Variants in SYT17 observed in about 807,000 individuals in gnomAD.
SYT17 encodes the protein synaptotagmin 17, also known as synaptotagmin-17.
In SYT17, 22 loss-of-function variants were observed where a neutral mutation model predicts 46.7. That is an observed-to-expected ratio of 0.47 (90% CI 0.34 to 0.67). SYT17 has a LOEUF of 0.67. Among genes scored for constraint, SYT17 ranks in the 30% least tolerant of loss-of-function variants. The pLI, the probability that SYT17 is intolerant of heterozygous loss-of-function variation, is 0.01. For synonymous variants in SYT17, 251 were observed against 248.4 expected, an observed-to-expected ratio of 1.01 and a Z score of -0.10; for missense variants, 519 against 612.8, an observed-to-expected ratio of 0.85 and a Z score of 1.62.
intron 7 of SYT17, among the ~76,000 whole-genome samples, chr16:19,259,310 C>A (rs552383147): frequency 1.3e-5 from 2 of 152,286 alleles, no homozygotes; most frequent in African/African-American, 4.8e-5. Context: ...TTAAACAAGG[C>A]TTAACATTTT....
At position 19,252,450 on chromosome 16, in the gene SYT17, C is replaced by T. The variant is rs372234854; in HGVS notation, c.1229-14430C>T. Among the ~76,000 whole-genome samples, 7 of 23,114 alleles carry T rather than the reference C, an allele frequency of 3.0e-4. 2 individuals are homozygous for T. The Admixed American group carries it at 3.1e-3, about 10-fold the overall frequency. The allele number at this position is 23,114 out of a possible 152,430, so 15.2% of individuals were successfully genotyped here. On this transcript the variant is annotated intron_variant, in intron 7 of 7. Coordinates refer to ENST00000355377, the MANE Select transcript of SYT17 (RefSeq NM_016524.4). ...ATACATATATATACATATATATACA[C>T]ATATATACATATATATATACATATA...
rs763978757 is a variant in SYT17, at chr16:19,180,468, A to G, written c.260A>G (p.Asn87Ser). 11 of 1,614,052 alleles carry G rather than the reference A, an allele frequency of 6.8e-6. No homozygotes were observed. The highest frequency in any genetic ancestry group is 2.2e-5 in the East Asian group (1 of 44,892). ...ASEVPLTPRT[N>S]SPDGRRSSSD... Reference sequence around the variant, plus strand: ...GAAGTCCCGCTGACCCCACGGACCAATTCCCCGGATGGAAGACGCTCGTCC... The same window carrying G: ...GAAGTCCCGCTGACCCCACGGACCAGTTCCCCGGATGGAAGACGCTCGTCC... Residue 87 changes from asparagine (N) to serine (S), a missense_variant, in exon 4 of 8, where the codon AAT (asparagine) becomes AGT (serine). Asn to Ser is a conservative substitution (Grantham distance 46, BLOSUM62 1). Coordinates refer to ENST00000355377, the MANE Select transcript of SYT17 (RefSeq NM_016524.4).
At chr16:19,211,070 C>T (rs965099142) in intron 5 of SYT17, 16 of 194,700 alleles carry the variant, frequency 8.2e-5, no homozygotes, top group Admixed American at 4.2e-4. Flanking sequence ...TTGCCCAAGC[C>T]GGCTGCTGGA....
At chr16:19,189,649 C>T (rs1407541936) in intron 5 of SYT17, among the ~76,000 whole-genome samples, 1 of 152,208 alleles carries the variant, frequency 6.6e-6, no homozygotes, top group Non-Finnish European at 1.5e-5. Context: ...AATAGCTGCC[C>T]TGATTGCTGA....
At position 19,168,971 on chromosome 16, in the gene SYT17, C is replaced by T. The variant is rs1963975153; in HGVS notation, c.15+310C>T. Among the ~76,000 whole-genome samples, 1 of 151,554 alleles carries T rather than the reference C, an allele frequency of 6.6e-6. No homozygotes were observed. The highest frequency in any genetic ancestry group is 6.6e-5 in the Admixed American group (1 of 15,248). Reference sequence around the variant, plus strand: ...CCTGCCCCCTCCCTCTCCTTGGCACCCCACCCCAGGGGAGGGGCCGTGGGG... The same window carrying T: ...CCTGCCCCCTCCCTCTCCTTGGCACTCCACCCCAGGGGAGGGGCCGTGGGG... On this transcript the variant is annotated intron_variant, in intron 1 of 7. Coordinates refer to ENST00000355377, the MANE Select transcript of SYT17 (RefSeq NM_016524.4). This position sits in a 1 kb window ranked among gnomAD's most constrained non-coding sequence, Gnocchi z 6.9.
chr16:19,183,525 C>T lies in SYT17; in HGVS notation c.332-3C>T, dbSNP rs1427406474. ...CTTCATTGTTATTTCTGGTGGCTCT[C>T]AGGTCTTGAGTCAAGACGTCCCAGC... On this transcript the variant is annotated splice_region_variant and splice_polypyrimidine_tract_variant and intron_variant, in intron 4 of 7. Transcript: ENST00000355377. The surrounding 1 kb of genome is among the most constrained non-coding windows in gnomAD (Gnocchi z 5.6). 1 of 1,613,126 alleles carries T rather than the reference C, an allele frequency of 6.2e-7. No individual in the cohort carries two copies. The highest frequency in any genetic ancestry group is 1.1e-5 in the South Asian group (1 of 91,062).
At chr16:19,184,660 CAT>C (rs996299772) in intron 5 of SYT17, among the ~76,000 whole-genome samples, 109 of 152,072 alleles carry the variant, frequency 7.2e-4, no homozygotes, top group African/African-American at 2.1e-3. Flanking sequence ...ATGCATCACT[CAT>C]GTGTGTGTCT....
intron 3 of SYT17, among the ~76,000 whole-genome samples, chr16:19,178,114 A>C (rs1289624287): frequency 6.6e-6 from 1 of 150,760 alleles, no homozygotes; most frequent in African/African-American, 2.4e-5. Context: ...GACGGAGTCT[A>C]GCTCTGTCGC....
At chr16:19,225,765 T>C (rs776364206) in intron 7 of SYT17, among the ~76,000 whole-genome samples, 6 of 152,228 alleles carry the variant, frequency 3.9e-5, no homozygotes, top group Admixed American at 6.5e-5. Flanking sequence ...CCTTGCCACA[T>C]GGGCTTTACC....
chr16:19,173,506 C>T lies in SYT17; in HGVS notation c.110C>T (p.Ser37Phe). The T allele has an allele frequency of 6.2e-7, 1 of 1,613,528 alleles. No individual in the cohort carries two copies. Residue 37 changes from serine to phenylalanine, a missense_variant, in exon 3 of 8, where the codon TCC becomes TTC. Coordinates refer to ENST00000355377, the MANE Select transcript of SYT17 (RefSeq NM_016524.4). The part of the protein sequence containing the change: ...CRHCCQKCYE[S>F]SCCQSSEDEV... ...CACTGCTGTCAGAAGTGCTACGAGT[C>T]CAGCTGTTGCCAGTCAAGTGAGGAT...
intron 1 of SYT17, chr16:19,170,729 A>G (rs1964048233): frequency 6.6e-6 from 1 of 152,176 alleles, no homozygotes. Flanking sequence ...GCTTCCCTGT[A>G]TTCAGAAAAT....
chr16:19,234,418 TTC>T (rs1285049152), intron 7 of SYT17, among the ~76,000 whole-genome samples: 1 of 152,218 alleles, frequency 6.6e-6, no homozygotes, highest in Admixed American at 6.5e-5. Context: ...CTCAGGTTTC[TTC>T]TCTGTTATGA....
chr16:19,242,701 C>CT (rs1030090048), intron 7 of SYT17, among the ~76,000 whole-genome samples: 1 of 151,484 alleles, frequency 6.6e-6, no homozygotes, highest in Non-Finnish European at 1.5e-5. Flanking sequence ...AATTTTTGTA[C>CT]TTTTTTTTGT....
chr16:19,257,000 C>T (rs1261731127), intron 7 of SYT17, among the ~76,000 whole-genome samples: 4 of 152,106 alleles, frequency 2.6e-5, no homozygotes, highest in Non-Finnish European at 5.9e-5. Context: ...CTCAAATTCC[C>T]CATCTGCAAA....
intron 5 of SYT17, among the ~76,000 whole-genome samples, chr16:19,197,489 C>T (rs1965298777): frequency 6.6e-6 from 1 of 151,558 alleles, no homozygotes; most frequent in Admixed American, 6.6e-5. Flanking sequence ...CACTCTGTTG[C>T]CCAGAATGGA....
Position 19,218,987 on chromosome 16 carries a change from T to A in SYT17, c.952-4058T>A, listed in dbSNP as rs189524188. Among the ~76,000 whole-genome samples, 926 of 152,172 alleles carry A rather than the reference T, an allele frequency of 6.1e-3. 8 individuals are homozygous for A. Among genetic ancestry groups the A allele is most frequent in the African/African-American group, 0.021 (887 of 41,502 alleles). On this transcript the variant is annotated intron_variant, in intron 5 of 7. Transcript: ENST00000355377. The stretch of plus-strand genomic sequence containing the variant: ...CGCCTCTCAGAGAAACCCTACCCCA[T>A]CCACCGACTGAAAGGGCAGCTCCCA...
Position 19,180,508 on chromosome 16 carries a change from G to A in SYT17, c.300G>A (p.Lys100=). The A allele has an allele frequency of 6.2e-7, 1 of 1,614,222 alleles. No homozygotes were observed. The highest frequency in any genetic ancestry group is 1.3e-5 in the African/African-American group (1 of 75,054). The change falls in exon 4 of 8, where the codon AAG becomes AAA. Residue 100 remains lysine, a synonymous_variant. Transcript: ENST00000355377. Reference sequence around the variant, plus strand: ...GACGCTCGTCCTCAGACACATCCAAGTCTACATACAGCCTGACGCGGAGGA... The same window carrying A: ...GACGCTCGTCCTCAGACACATCCAAATCTACATACAGCCTGACGCGGAGGA... ...DGRRSSSDTS[K]STYSLTRRIS... is the part of the protein sequence containing the mutation.
intron 7 of SYT17, among the ~76,000 whole-genome samples, chr16:19,238,363 C>T (rs1966877792): frequency 6.6e-6 from 1 of 152,240 alleles, no homozygotes; most frequent in Non-Finnish European, 1.5e-5. Flanking sequence ...GGTGTTGAAC[C>T]TGGATGTCGG....
At chr16:19,186,274 C>T (rs1320071644) in intron 5 of SYT17, among the ~76,000 whole-genome samples, 7 of 151,654 alleles carry the variant, frequency 4.6e-5, no homozygotes, top group African/African-American at 1.2e-4. Flanking sequence ...CCCAACAGTT[C>T]GAGACCAGCC....
Sources: gnomAD v4.1 joint callset for allele counts (sites outside exome capture counted in the v4.1 genomes callset) on GRCh38, gnomAD v4.1.1 for gene constraint, Gnocchi (gnomAD v3.1) non-coding constraint, MANE v1.5 for transcripts, NCBI Gene and HGNC (gene_info 2026-07-23, HGNC 2026-07-21) for gene names.